Variants in CCSER1 observed in about 807,000 individuals in gnomAD.
CCSER1 encodes serine-rich coiled-coil domain-containing protein 1.
CCSER1 carries 41 observed loss-of-function variants against 82.0 expected under a neutral mutation model. That is an observed-to-expected ratio of 0.50 (90% confidence interval 0.39 to 0.65). The LOEUF (loss-of-function observed/expected upper bound fraction) is 0.65, where lower values mean the gene tolerates loss of function less well. Ranked by LOEUF, CCSER1 falls within the 30% of genes least tolerant of loss-of-function variation. The probability of loss-of-function intolerance (pLI) is 0.00; values close to 1 mark genes in which losing one functional copy is unlikely to be tolerated. For synonymous variants in CCSER1, 414 were observed against 383.9 expected (o/e 1.08, Z -0.92); for missense variants, 1,119 against 1,064.2 (o/e 1.05, Z -0.72).
rs549156770 is a variant in CCSER1, at chr4:91,317,905, G to A, written c.2217+231911G>A. 1.8e-3 allele frequency among the ~76,000 whole-genome samples: 269 copies of A among 152,066 alleles called. 5 individuals are homozygous for A. The East Asian group carries it at 0.029, about 17-fold the overall frequency. On this transcript the variant is annotated intron_variant, in intron 10 of 10. Coordinates refer to ENST00000509176, the MANE Select transcript of CCSER1 (RefSeq NM_001145065.2). ...AAGCTGCTAATGAAACCCTGGGTGA[G>A]AGCATCCAGTACACCCACTGTGCTT...
intron 7 of CCSER1, among the ~76,000 whole-genome samples, chr4:90,809,558 G>A (rs1757974313): frequency 6.6e-6 from 1 of 151,922 alleles, no homozygotes; most frequent in African/African-American, 2.4e-5. Flanking sequence ...GGAGTGAGGG[G>A]TGAAAAATTA....
chr4:91,388,787 T>G (rs1405889001), intron 10 of CCSER1, among the ~76,000 whole-genome samples: 1 of 152,114 alleles, frequency 6.6e-6, no homozygotes, highest in Non-Finnish European at 1.5e-5. Context: ...GTCCGTCTTC[T>G]AACTTTGTTT....
At chr4:91,517,482 A>C (rs1010543341) in intron 10 of CCSER1, among the ~76,000 whole-genome samples, 1 of 152,132 alleles carries the variant, frequency 6.6e-6, no homozygotes, top group South Asian at 2.1e-4. Context: ...AGTTTGGTTC[A>C]TTTGTACACT....
intron 10 of CCSER1, among the ~76,000 whole-genome samples, chr4:91,229,446 A>G (rs1373361787): frequency 1.3e-5 from 2 of 152,062 alleles, no homozygotes; most frequent in African/African-American, 2.4e-5. Flanking sequence ...AACTTCTCCC[A>G]ATGACATTAA....
At chr4:90,904,506 C>T (rs977430826) in intron 8 of CCSER1, among the ~76,000 whole-genome samples, 3 of 152,056 alleles carry the variant, frequency 2.0e-5, no homozygotes, top group African/African-American at 7.2e-5. Flanking sequence ...AGAAAGGTTT[C>T]CTATTCTAGC....
intron 10 of CCSER1, among the ~76,000 whole-genome samples, chr4:91,270,504 T>C (rs1417888434): frequency 1.3e-5 from 2 of 152,180 alleles, no homozygotes; most frequent in Non-Finnish European, 2.9e-5. Context: ...GTTCTTTACA[T>C]TCATTCTCTG....
intron 7 of CCSER1, among the ~76,000 whole-genome samples, chr4:90,812,525 C>T (rs1232276233): frequency 6.6e-6 from 1 of 152,106 alleles, no homozygotes; most frequent in Non-Finnish European, 1.5e-5. Flanking sequence ...GTTACAGGGA[C>T]ATCACTAAAG....
intron 10 of CCSER1, among the ~76,000 whole-genome samples, chr4:91,091,606 G>A (rs1723965320): frequency 6.6e-6 from 1 of 152,128 alleles, no homozygotes; most frequent in Admixed American, 6.6e-5. Flanking sequence ...CAGCTTCCGG[G>A]TGTGACTGGA....
intron 3 of CCSER1, among the ~76,000 whole-genome samples, chr4:90,374,913 A>G (rs894667281): frequency 6.6e-6 from 1 of 152,150 alleles, no homozygotes; most frequent in African/African-American, 2.4e-5. Context: ...TATCCAGTGG[A>G]ACTTCCACAC....
intron 10 of CCSER1, among the ~76,000 whole-genome samples, chr4:91,246,312 T>C (rs548378510): frequency 6.6e-6 from 1 of 152,220 alleles, no homozygotes; most frequent in Admixed American, 6.5e-5. Context: ...AAATAATGGG[T>C]TATAAGGAGG....
rs573251762 is a variant in CCSER1 at position 91,046,801 on chromosome 4, C to G, written c.2173-39149C>G. ...GGCACGATCTCGGCTCACTACAACC[C>G]GCACCTCCCAGGTTCAAGCAATTCC... On this transcript the variant is annotated intron_variant, in intron 9 of 10. Coordinates refer to ENST00000509176, the MANE Select transcript of CCSER1 (RefSeq NM_001145065.2). Among the ~76,000 whole-genome samples, 53 of 151,766 alleles carry G rather than the reference C, an allele frequency of 3.5e-4. 1 individual carries two copies. The highest frequency in any genetic ancestry group is 8.3e-4 in the South Asian group (4 of 4,796).
intron 10 of CCSER1, among the ~76,000 whole-genome samples, chr4:91,589,789 C>A (rs922838961): frequency 5.9e-5 from 9 of 151,830 alleles, no homozygotes; most frequent in African/African-American, 1.7e-4. Flanking sequence ...TGAATTGAGT[C>A]CTTAATCACA....
rs182763790 is a variant in CCSER1, at chr4:91,342,997, G to A, written c.2218-255575G>A. Among the ~76,000 whole-genome samples, 166 of 151,968 alleles carry A rather than the reference G, an allele frequency of 1.1e-3. 1 individual carries two copies. The Middle Eastern group carries it at 0.014, about 13-fold the overall frequency. On this transcript the variant is annotated intron_variant, in intron 10 of 10. Coordinates refer to ENST00000509176, the MANE Select transcript of CCSER1 (RefSeq NM_001145065.2). ...ATGTAAGCAAATAAATGACATTCCC[G>A]TACTAGGAATATAAAAAATTCAGTG...
chr4:90,222,361 GC>G (rs1425018853), intron 1 of CCSER1, among the ~76,000 whole-genome samples: 14 of 152,076 alleles, frequency 9.2e-5, no homozygotes, highest in African/African-American at 3.4e-4. Context: ...CACTATTCAT[GC>G]CACCACATTG....
intron 3 of CCSER1, among the ~76,000 whole-genome samples, chr4:90,362,727 T>G (rs756322990): frequency 6.6e-6 from 1 of 152,298 alleles, no homozygotes. Context: ...TCTGTGTTTT[T>G]GATCCTCAGT....
At chr4:90,162,747 C>A in intron 1 of CCSER1, among the ~76,000 whole-genome samples, 1 of 151,712 alleles carries the variant, frequency 6.6e-6, no homozygotes, top group South Asian at 2.1e-4. Flanking sequence ...GACCTGTGAC[C>A]AAAAAAAATT....
intron 3 of CCSER1, among the ~76,000 whole-genome samples, chr4:90,371,546 G>GAA (rs139341621): frequency 8.0e-5 from 12 of 150,738 alleles, no homozygotes; most frequent in African/African-American, 2.7e-4. Flanking sequence ...ATAAGCCAAA[G>GAA]AAAAAAAACA....
intron 1 of CCSER1, among the ~76,000 whole-genome samples, chr4:90,268,419 TTA>T: frequency 6.6e-6 from 1 of 152,316 alleles, no homozygotes; most frequent in East Asian, 1.9e-4. Flanking sequence ...AGTGCAGAGT[TTA>T]TATTAGTTTT....
intron 1 of CCSER1, among the ~76,000 whole-genome samples, chr4:90,161,424 G>T (rs923685654): frequency 1.4e-4 from 21 of 152,008 alleles, no homozygotes; most frequent in Non-Finnish European, 8.8e-5. Flanking sequence ...ATGAAATATA[G>T]AATTTACATA....
Sources: allele counts gnomAD v4.1 joint callset (sites outside exome capture counted in the v4.1 genomes callset), GRCh38; gene constraint gnomAD v4.1.1; transcripts MANE v1.5; gene names NCBI Gene and HGNC (gene_info 2026-07-23, HGNC 2026-07-21).